Variants in DENND3 observed in about 807,000 individuals in gnomAD.
DENND3 encodes DENN domain containing 3, also known as DENN domain-containing protein 3.
In DENND3, 88 loss-of-function variants were observed where a neutral mutation model predicts 135.1. The observed-to-expected ratio is 0.65, with a 90% CI of 0.55 to 0.78. DENND3 has a LOEUF of 0.78. Among genes scored for constraint, DENND3 ranks in the 30% least tolerant of loss-of-function variants. The pLI, the probability that DENND3 is intolerant of heterozygous loss-of-function variation, is 0.00. For missense variants in DENND3, 1,392 were observed against 1,688.4 expected (o/e 0.82, Z 3.08); for synonymous variants, 693 against 712.3 (o/e 0.97, Z 0.43).
Position 141,136,489 on chromosome 8 carries a change from C to G in DENND3, c.103-20C>G. 1 of 1,532,800 alleles carries G rather than the reference C, an allele frequency of 6.5e-7. No individual in the cohort carries two copies. Among genetic ancestry groups the G allele is most frequent in the Non-Finnish European group, 8.8e-7 (1 of 1,140,442 alleles). The allele number at this position is 1,532,800 out of a possible 1,614,324, so 94.9% of individuals were successfully genotyped here. ...AAGAGCTGAGGCTGTGGCAGTAACT[C>G]TTATTTTTCCCTTTTTTAGGTTGCT... On this transcript the variant is annotated intron_variant, in intron 1 of 22. Transcript: ENST00000519811.
At chr8:141,158,485 T>A (rs774720234) in intron 8 of DENND3, among the ~76,000 whole-genome samples, 3 of 152,210 alleles carry the variant, frequency 2.0e-5, no homozygotes, top group Non-Finnish European at 4.4e-5. Flanking sequence ...TCCCCCAGAA[T>A]GGGGATGCAG....
At position 141,146,682 on chromosome 8, in the gene DENND3, C is replaced by T. The variant is rs986412486; in HGVS notation, c.735+2423C>T. On this transcript the variant is annotated intron_variant, in intron 5 of 22. Coordinates refer to ENST00000519811, the MANE Select transcript of DENND3 (RefSeq NM_001352890.3). This position sits in a 1 kb window ranked among gnomAD's most constrained non-coding sequence, Gnocchi z 4.3. Reference sequence around the variant, plus strand: ...TGTGCGTTTTTAACATTACCCCAACCCCAGCAGTCTGCTGGGTGGAAAATC... The same window carrying T: ...TGTGCGTTTTTAACATTACCCCAACTCCAGCAGTCTGCTGGGTGGAAAATC... Among the ~76,000 whole-genome samples the T allele has an allele frequency of 1.5e-4, 23 of 152,092 alleles. No individual in the cohort carries two copies. The highest frequency in any genetic ancestry group is 5.2e-4 in the Admixed American group (8 of 15,274).
chr8:141,136,748 G>A lies in DENND3; in HGVS notation c.342G>A (p.Pro114=), dbSNP rs1167446110. 23 of 1,596,800 alleles carry A rather than the reference G, an allele frequency of 1.4e-5. No individual in the cohort carries two copies. Among genetic ancestry groups the A allele is most frequent in the African/African-American group, 1.3e-4 (10 of 74,634 alleles). ...CAGAGCCTGAGGATGTCGCCGTCCC[G>A]GGCGGCGTGGACCTCCTCACCCTGC... ...RAPEPEDVAV[P]GGVDLLTLPQ... The change falls in exon 2 of 23, where the codon CCG becomes CCA. Residue 114 remains proline, a synonymous_variant. Coordinates refer to ENST00000519811, the MANE Select transcript of DENND3 (RefSeq NM_001352890.3).
In DENND3 at chr8:141,137,755, GGC is replaced by G. The variant is rs1458264673; in HGVS notation, c.386-264_386-263del. On this transcript the variant is annotated intron_variant, in intron 2 of 22. Coordinates refer to ENST00000519811, the MANE Select transcript of DENND3 (RefSeq NM_001352890.3). This position sits in a 1 kb window ranked among gnomAD's most constrained non-coding sequence, Gnocchi z 4.1. ...TCACAGGGATTATAAACCTGGGACA[GGC>G]GCCAGGTGGGCGGCTGTGCCCAGCA... 1.3e-5 allele frequency among the ~76,000 whole-genome samples: 2 copies of G among 152,244 alleles called. No individual in the cohort carries two copies. Among genetic ancestry groups the G allele is most frequent in the Non-Finnish European group, 2.9e-5 (2 of 68,032 alleles).
At chr8:141,187,686 C>CTT (rs1011260351) in intron 18 of DENND3, among the ~76,000 whole-genome samples, 4 of 151,874 alleles carry the variant, frequency 2.6e-5, no homozygotes, top group African/African-American at 9.7e-5. Context: ...GAATAGCAAA[C>CTT]TTTACATGTT....
At position 141,130,245 on chromosome 8, in the gene DENND3, T is replaced by C. The variant is rs1007268321; in HGVS notation, c.102+1436T>C. ...CAATTTCTTTATTATTATTATTATG[T>C]TAATAATAGAGAGGAGGTCTCACTG... On this transcript the variant is annotated intron_variant, in intron 1 of 22. Coordinates refer to ENST00000519811, the MANE Select transcript of DENND3 (RefSeq NM_001352890.3). This position sits in a 1 kb window ranked among gnomAD's most constrained non-coding sequence, Gnocchi z 4.2. Among the ~76,000 whole-genome samples, 5 of 152,250 alleles carry C rather than the reference T, an allele frequency of 3.3e-5. No homozygotes were observed. The highest frequency in any genetic ancestry group is 1.2e-4 in the African/African-American group (5 of 41,548).
rs1817774499 is a variant in DENND3 at position 141,144,139 on chromosome 8, G to A, written c.624-9G>A. On this transcript the variant is annotated splice_polypyrimidine_tract_variant and intron_variant, in intron 4 of 22. Coordinates refer to ENST00000519811, the MANE Select transcript of DENND3 (RefSeq NM_001352890.3). The surrounding 1 kb of genome is among the most constrained non-coding windows in gnomAD (Gnocchi z 4.4). ...TTTTGCGGTTTGAGTTTTGTGTTTC[G>A]AATTTCAGTTTATTGGCTCTTCTGA... 3.1e-6 allele frequency: 5 copies of A among 1,601,130 alleles called. No homozygotes were observed. The highest frequency in any genetic ancestry group is 1.4e-5 in the African/African-American group (1 of 73,578).
chr8:141,151,085 A>G, intron 6 of DENND3, 132 bp downstream of exon 6: 2 of 1,296,214 alleles, frequency 1.5e-6, no homozygotes, highest in Non-Finnish European at 2.0e-6. Flanking sequence ...AATGTTTATT[A>G]TTATTTTTTA....
At chr8:141,150,101 C>G (rs969881693) in intron 5 of DENND3, among the ~76,000 whole-genome samples, 3 of 152,210 alleles carry the variant, frequency 2.0e-5, no homozygotes, top group African/African-American at 4.8e-5. Flanking sequence ...CACTTAGATC[C>G]GTCCATTACG....
chr8:141,173,825 C>T (rs1394386019), intron 13 of DENND3: 1 of 152,324 alleles, frequency 6.6e-6, no homozygotes. Context: ...CGGCCCAGGT[C>T]TGCTGGCAAA....
rs11993339 is a variant in DENND3 at position 141,130,108 on chromosome 8, C to T, written c.102+1299C>T. The T allele has an allele frequency of 0.17, 25,466 of 152,186 alleles. 2,388 individuals carry two copies. The highest frequency in any genetic ancestry group is 0.25 in the South Asian group (1,190 of 4,824). 9.4% of individuals were successfully genotyped at this position (152,186 alleles called of 1,614,324 possible). A position where few individuals can be genotyped will look rare whatever the true frequency, so the allele number is the denominator to read the frequency against. Reference sequence around the variant, plus strand: ...CGCTGTGGTCTCCTCAGCCGTTGAACGTCTTTCCTCTGGGGCAGTTACAAC... The same window carrying T: ...CGCTGTGGTCTCCTCAGCCGTTGAATGTCTTTCCTCTGGGGCAGTTACAAC... On this transcript the variant is annotated intron_variant, in intron 1 of 22. Coordinates refer to ENST00000519811, the MANE Select transcript of DENND3 (RefSeq NM_001352890.3). This position sits in a 1 kb window ranked among gnomAD's most constrained non-coding sequence, Gnocchi z 4.2.
At chr8:141,156,015 C>T (rs376774651) in intron 8 of DENND3, 45 bp downstream of exon 8, 66 of 1,558,132 alleles carry the variant, frequency 4.2e-5, no homozygotes, top group Non-Finnish European at 4.6e-5. Context: ...CGTCTTTGTT[C>T]AGATTCTGTA....
chr8:141,193,827 C>G, intron 22 of DENND3: 1 of 608,440 alleles, frequency 1.6e-6, no homozygotes, highest in Non-Finnish European at 2.9e-6. Context: ...TCTTCTTCCC[C>G]AGAGGCCCCT....
intron 1 of DENND3, among the ~76,000 whole-genome samples, chr8:141,135,000 G>A (rs1001897563): frequency 1.3e-5 from 2 of 151,994 alleles, no homozygotes; most frequent in East Asian, 1.9e-4. Flanking sequence ...CACCAAGCCC[G>A]GCTAATTTTT....
chr8:141,182,542 G>C lies in DENND3; in HGVS notation c.2944+1688G>C, dbSNP rs1823279270. On this transcript the variant is annotated intron_variant, in intron 17 of 22. Coordinates refer to ENST00000519811, the MANE Select transcript of DENND3 (RefSeq NM_001352890.3). The surrounding 1 kb of genome is among the most constrained non-coding windows in gnomAD (Gnocchi z 5.9). ...AAATGAAACTCACTCTGAGCTTCCT[G>C]TTGTGACGGGCGAGGAGTTCAGGCG... is the stretch of plus-strand genomic sequence containing the variant. 2 of 964,360 alleles carry C rather than the reference G, an allele frequency of 2.1e-6. No individual in the cohort carries two copies. The highest frequency in any genetic ancestry group is 2.5e-6 in the Non-Finnish European group (2 of 810,908). The allele number at this position is 964,360 out of a possible 1,614,324, so 59.7% of individuals were successfully genotyped here. A position where few individuals can be genotyped will look rare whatever the true frequency, so the allele number is the denominator to read the frequency against.
intron 22 of DENND3, 157 bp downstream of exon 22, chr8:141,192,820 A>G: frequency 6.4e-7 from 1 of 1,558,204 alleles, no homozygotes; most frequent in Non-Finnish European, 8.6e-7. Flanking sequence ...GGTTGGTGCC[A>G]ACGGGCCCAC....
At chr8:141,153,638 C>A (rs772332922) in intron 7 of DENND3, among the ~76,000 whole-genome samples, 1 of 152,210 alleles carries the variant, frequency 6.6e-6, no homozygotes, top group Non-Finnish European at 1.5e-5. Flanking sequence ...CCTGCCAAGG[C>A]GAGTGACTCA....
chr8:141,170,870 G>A (rs1051843028), intron 13 of DENND3, among the ~76,000 whole-genome samples: 2 of 152,154 alleles, frequency 1.3e-5, no homozygotes, highest in African/African-American at 4.8e-5. Context: ...TCCCGGTCAC[G>A]AGCCAGCCCG....
intron 8 of DENND3, chr8:141,158,194 C>T (rs1819678939): frequency 7.8e-7 from 1 of 1,289,740 alleles, no homozygotes; most frequent in African/African-American, 1.5e-5. Flanking sequence ...CCTCCCCAGC[C>T]AAGGGCACCT....
Sources: gnomAD v4.1 joint callset for allele counts (sites outside exome capture counted in the v4.1 genomes callset) on GRCh38, gnomAD v4.1.1 for gene constraint, Gnocchi (gnomAD v3.1) non-coding constraint, MANE v1.5 for transcripts, NCBI Gene and HGNC (gene_info 2026-07-23, HGNC 2026-07-21) for gene names.